The following RGPD2 variants were observed in gnomAD, a reference collection of about 807,000 sequenced individuals.
RGPD2 encodes RANBP2-like and GRIP domain-containing protein 2.
RGPD2 carries 2 observed loss-of-function variants against 36.0 expected under a neutral mutation model. The observed-to-expected ratio is 0.06, with a 90% CI of 0.02 to 0.17. The LOEUF is 0.17. RGPD2 is among the 10% of genes least tolerant of loss of function. The probability of loss-of-function intolerance (pLI) is 1.00; values close to 1 mark genes in which losing one functional copy is unlikely to be tolerated. For synonymous variants in RGPD2, 19 were observed against 163.8 expected (o/e 0.12, Z 6.75); for missense variants, 40 against 464.3 (o/e 0.09, Z 8.40).
chr2:87,951,732 G>GCC, the RGPD2 span, among the ~76,000 whole-genome samples: 1 of 145,608 alleles, frequency 6.9e-6, no homozygotes, highest in Non-Finnish European at 1.5e-5. Flanking sequence ...TTACAGATGT[G>GCC]TGCCACCACA....
chr2:87,815,060 T>C (rs1397206021), intron 4 of RGPD2, among the ~76,000 whole-genome samples: 1 of 131,908 alleles, frequency 7.6e-6, no homozygotes, highest in African/African-American at 3.3e-5. Context: ...AGGGGCAGCA[T>C]GAGGAAGATC....
the RGPD2 span, among the ~76,000 whole-genome samples, chr2:87,957,175 C>G: frequency 2.7e-5 from 4 of 150,116 alleles, no homozygotes; most frequent in Non-Finnish European, 5.9e-5. Flanking sequence ...GCTCTAACCC[C>G]CAACGTGATG....
chr2:87,961,322 G>T, the RGPD2 span, among the ~76,000 whole-genome samples: 1 of 152,172 alleles, frequency 6.6e-6, no homozygotes, highest in Non-Finnish European at 1.5e-5. Context: ...ACGCACTTGT[G>T]TACTGCGTCA....
At chr2:87,970,321 G>A in the RGPD2 span, among the ~76,000 whole-genome samples, 19 of 150,984 alleles carry the variant, frequency 1.3e-4, no homozygotes, top group South Asian at 1.0e-3. Flanking sequence ...ATACATACAC[G>A]TATATATAAA....
the RGPD2 span, among the ~76,000 whole-genome samples, chr2:87,917,256 C>T: frequency 7.0e-6 from 1 of 142,864 alleles, no homozygotes; most frequent in African/African-American, 2.6e-5. Flanking sequence ...AAGACATTGT[C>T]TTCTACTGAA....
chr2:87,970,142 C>A, the RGPD2 span, among the ~76,000 whole-genome samples: 2 of 151,260 alleles, frequency 1.3e-5, no homozygotes, highest in Non-Finnish European at 2.9e-5. Flanking sequence ...ATCCATGAAT[C>A]TTCTATGAGA....
the RGPD2 span, among the ~76,000 whole-genome samples, chr2:87,867,450 GATTATTT>G: frequency 2.7e-5 from 4 of 149,342 alleles, no homozygotes; most frequent in African/African-American, 7.4e-5. Context: ...TACATGACGT[GATTATTT>G]CACATTGCAT....
the RGPD2 span, among the ~76,000 whole-genome samples, chr2:87,881,079 G>A: frequency 1.4e-5 from 2 of 147,930 alleles, no homozygotes; most frequent in Non-Finnish European, 3.0e-5. Flanking sequence ...GGGCACACTA[G>A]TGCAAGGGGT....
the RGPD2 span, among the ~76,000 whole-genome samples, chr2:87,911,700 C>G: frequency 6.6e-6 from 1 of 152,076 alleles, no homozygotes; most frequent in Non-Finnish European, 1.5e-5. Flanking sequence ...GTGTGTTATA[C>G]TGCTACAGCT....
At chr2:87,967,768 TC>T in the RGPD2 span, among the ~76,000 whole-genome samples, 4 of 150,648 alleles carry the variant, frequency 2.7e-5, no homozygotes, top group Admixed American at 1.3e-4. Flanking sequence ...TCATTACCTT[TC>T]AAATTATCCT....
the RGPD2 span, among the ~76,000 whole-genome samples, chr2:87,918,161 C>T: frequency 1.5e-4 from 19 of 123,900 alleles, 2 homozygotes; most frequent in East Asian, 1.1e-3. Flanking sequence ...TAAAGGTGTA[C>T]GTATAAAAAT....
rs1409591643 is a variant in RGPD2 at position 87,756,395 on chromosome 2, A to G, written c.*997T>C. 1 of 149,822 alleles carries G rather than the reference A, an allele frequency of 6.7e-6. No homozygotes were observed. The highest frequency in any genetic ancestry group is 1.5e-5 in the Non-Finnish European group (1 of 67,896). The allele number at this position is 149,822 out of a possible 1,614,324, so 9.3% of individuals were successfully genotyped here. A position where few individuals can be genotyped will look rare whatever the true frequency, so the allele number is the denominator to read the frequency against. ...GGAAAAGCCTGCCATTCCCCCATCT[A>G]AAAACCCTTTCCCCATTCTCTTACT... On this transcript the variant is annotated 3_prime_UTR_variant, in exon 23 of 23. Transcript: ENST00000398146.
At chr2:87,924,445 G>A in the RGPD2 span, among the ~76,000 whole-genome samples, 1 of 151,156 alleles carries the variant, frequency 6.6e-6, no homozygotes, top group Admixed American at 6.6e-5. Context: ...CAGCTTTTCT[G>A]TTTTACAGCC....
chr2:87,814,735 G>C (rs1263102526), intron 4 of RGPD2, among the ~76,000 whole-genome samples: 1 of 588 alleles, frequency 1.7e-3, no homozygotes, highest in Non-Finnish European at 3.8e-3. Context: ...CCCCGTTTCT[G>C]CAAAAATACA....
chr2:87,915,304 T>TTG, the RGPD2 span, among the ~76,000 whole-genome samples: 15 of 114,504 alleles, frequency 1.3e-4, 1 homozygote, highest in East Asian at 2.1e-4. Context: ...ATTATATATA[T>TTG]TGTATATATA....
At chr2:87,809,824 C>A (rs1471082995) in intron 6 of RGPD2, among the ~76,000 whole-genome samples, 1 of 146,864 alleles carries the variant, frequency 6.8e-6, no homozygotes, top group Non-Finnish European at 1.5e-5. Flanking sequence ...GAGCCTCCCC[C>A]TCTGAGGGCC....
chr2:87,844,564 G>C, the RGPD2 span, among the ~76,000 whole-genome samples: 3 of 149,622 alleles, frequency 2.0e-5, no homozygotes, highest in Non-Finnish European at 3.0e-5. Flanking sequence ...CGTAATTTTA[G>C]GTGACAGAAT....
the RGPD2 span, among the ~76,000 whole-genome samples, chr2:87,952,736 A>G: frequency 6.6e-6 from 1 of 152,216 alleles, no homozygotes; most frequent in Non-Finnish European, 1.5e-5. Context: ...TCTAATTTAC[A>G]CCGAAATTTC....
chr2:87,923,677 AT>A, the RGPD2 span, among the ~76,000 whole-genome samples: 1 of 145,284 alleles, frequency 6.9e-6, no homozygotes, highest in Middle Eastern at 3.4e-3. Flanking sequence ...AGAGTGTAAT[AT>A]TTGTACAAGC....
Sources: allele counts gnomAD v4.1 joint callset (sites outside exome capture counted in the v4.1 genomes callset), GRCh38; gene constraint gnomAD v4.1.1; transcripts MANE v1.5; gene names NCBI Gene and HGNC (gene_info 2026-07-23, HGNC 2026-07-21).